The following CDC14A variants were observed in gnomAD, a reference collection of about 807,000 sequenced individuals.
CDC14A encodes the protein dual specificity protein phosphatase CDC14A.
In CDC14A, 53 loss-of-function variants were observed where a neutral mutation model predicts 74.4. The observed-to-expected ratio is 0.71, with a 90% CI of 0.57 to 0.89. The LOEUF (loss-of-function observed/expected upper bound fraction) is 0.89. Ranked by LOEUF, CDC14A falls within the 40% of genes least tolerant of loss-of-function variation. The probability of loss-of-function intolerance (pLI) is 0.00; values close to 1 mark genes in which losing one functional copy is unlikely to be tolerated. For missense variants in CDC14A, 646 were observed against 713.7 expected (o/e 0.91, Z 1.08); for synonymous variants, 247 against 258.4 (o/e 0.96, Z 0.43).
chr1:100,427,310 C>T (rs1479153504), intron 5 of CDC14A, among the ~76,000 whole-genome samples: 1 of 151,968 alleles, frequency 6.6e-6, no homozygotes, highest in Non-Finnish European at 1.5e-5. Flanking sequence ...ATTTTGAAGG[C>T]TTGTTGAAGG....
chr1:100,359,945 T>TTC (rs201878878), intron 2 of CDC14A, among the ~76,000 whole-genome samples: 17,626 of 135,576 alleles, frequency 0.13, 1,301 homozygotes, highest in Non-Finnish European at 0.17. Context: ...CACCTTCTTC[T>TTC]TTTTTTTTTT....
At chr1:100,371,490 AG>A (rs1654470360) in intron 2 of CDC14A, among the ~76,000 whole-genome samples, 1 of 152,168 alleles carries the variant, frequency 6.6e-6, no homozygotes, top group Admixed American at 6.5e-5. Flanking sequence ...CAGTTTGTTA[AG>A]GATTTTTACC....
intron 15 of CDC14A, chr1:100,505,044 C>A: frequency 1.8e-6 from 2 of 1,089,828 alleles, no homozygotes; most frequent in Non-Finnish European, 2.5e-6. Flanking sequence ...TAAGAATTGT[C>A]TCCAAATTTA....
intron 5 of CDC14A, among the ~76,000 whole-genome samples, chr1:100,425,028 C>A (rs1158422331): frequency 2.0e-5 from 3 of 152,036 alleles, no homozygotes; most frequent in Admixed American, 6.6e-5. Flanking sequence ...GTTAGCCAGG[C>A]ATAGTGGTAT....
chr1:100,440,934 C>G (rs957190944), intron 6 of CDC14A, among the ~76,000 whole-genome samples: 2 of 152,182 alleles, frequency 1.3e-5, no homozygotes, highest in Non-Finnish European at 2.9e-5. Context: ...CAGAGATACT[C>G]TAGCCCACTC....
chr1:100,354,931 C>T (rs1366046658), intron 2 of CDC14A, among the ~76,000 whole-genome samples: 1 of 152,210 alleles, frequency 6.6e-6, no homozygotes, highest in Non-Finnish European at 1.5e-5. Flanking sequence ...GGAAAACAAT[C>T]TTTGTCACTT....
chr1:100,357,366 G>C (rs1362741447), intron 2 of CDC14A, among the ~76,000 whole-genome samples: 1 of 152,112 alleles, frequency 6.6e-6, no homozygotes. Context: ...AAGGGGAAAG[G>C]AGAAAGGGAG....
At chr1:100,375,955 A>T (rs1175400945) in intron 2 of CDC14A, among the ~76,000 whole-genome samples, 1 of 152,234 alleles carries the variant, frequency 6.6e-6, no homozygotes, top group Non-Finnish European at 1.5e-5. Context: ...ACACCATGGA[A>T]TACTATGCAG....
chr1:100,365,024 A>C (rs1358807014), intron 2 of CDC14A, among the ~76,000 whole-genome samples: 1 of 152,206 alleles, frequency 6.6e-6, no homozygotes, highest in East Asian at 1.9e-4. Context: ...TGGTGTTGTA[A>C]ACCTGAACTT....
chr1:100,368,342 G>A (rs1336735588), intron 2 of CDC14A, among the ~76,000 whole-genome samples: 1 of 152,176 alleles, frequency 6.6e-6, no homozygotes. Context: ...TACCATGTTG[G>A]AGAGTACAGA....
chr1:100,484,441 G>T lies in CDC14A; in HGVS notation c.1127G>T (p.Arg376Leu). Residue 376 changes from arginine to leucine, a missense_variant, in exon 11 of 16, where the codon CGA becomes CTA. Arg to Leu is a moderately radical substitution (Grantham distance 102, BLOSUM62 -2). Coordinates refer to ENST00000336454, the MANE Select transcript of CDC14A (RefSeq NM_003672.4). ...CTTTCAAAAACACAAAACATGGAAC[G>T]ATTTGGAGAGGTAAGTTTTCCCTAG... ...GNLSKTQNMERFGEDNLEDDD... is the reference protein window; with the variant it reads ...GNLSKTQNMELFGEDNLEDDD... 1.3e-6 allele frequency: 2 copies of T among 1,594,226 alleles called. No individual in the cohort carries two copies. Among genetic ancestry groups the T allele is most frequent in the South Asian group, 1.2e-5 (1 of 86,832 alleles).
At chr1:100,477,882 C>T (rs1409625398) in intron 10 of CDC14A, among the ~76,000 whole-genome samples, 2 of 152,068 alleles carry the variant, frequency 1.3e-5, no homozygotes, top group Non-Finnish European at 2.9e-5. Context: ...TTTGTCATAT[C>T]CTCCTAGTCC....
At chr1:100,402,950 G>T (rs1353373618) in intron 4 of CDC14A, among the ~76,000 whole-genome samples, 2 of 152,130 alleles carry the variant, frequency 1.3e-5, no homozygotes, top group Admixed American at 1.3e-4. Context: ...TTTGATTCTG[G>T]CTAATGGGGC....
At chr1:100,391,466 A>G (rs559471663) in intron 4 of CDC14A, among the ~76,000 whole-genome samples, 16 of 152,314 alleles carry the variant, frequency 1.1e-4, no homozygotes, top group Non-Finnish European at 2.1e-4. Flanking sequence ...GGAATTTTCT[A>G]TATATGCTGT....
intron 2 of CDC14A, among the ~76,000 whole-genome samples, chr1:100,363,438 A>G (rs1366660992): frequency 6.6e-6 from 1 of 152,250 alleles, no homozygotes; most frequent in African/African-American, 2.4e-5. Context: ...TATATCAAAA[A>G]CATCTGGTAA....
intron 4 of CDC14A, among the ~76,000 whole-genome samples, chr1:100,394,354 G>A (rs1476024946): frequency 1.3e-5 from 2 of 152,168 alleles, no homozygotes; most frequent in Non-Finnish European, 2.9e-5. Context: ...CTGGCCTCAA[G>A]TGATCCCCCT....
chr1:100,406,941 A>G (rs982786759), intron 4 of CDC14A, among the ~76,000 whole-genome samples: 5 of 151,884 alleles, frequency 3.3e-5, no homozygotes, highest in Admixed American at 6.6e-5. Context: ...AAAAAAAAAA[A>G]AAAAAGAAAA....
At chr1:100,447,591 T>C (rs899859167) in intron 7 of CDC14A, among the ~76,000 whole-genome samples, 4 of 152,254 alleles carry the variant, frequency 2.6e-5, no homozygotes, top group African/African-American at 9.6e-5. Flanking sequence ...CTTTGAAATC[T>C]AGCCATTTCA....
At chr1:100,364,345 C>T (rs1460940910) in intron 2 of CDC14A, among the ~76,000 whole-genome samples, 1 of 151,836 alleles carries the variant, frequency 6.6e-6, no homozygotes, top group Non-Finnish European at 1.5e-5. Context: ...GTAGCTGGGA[C>T]TACAGGTGCA....
Sources: gnomAD v4.1 joint callset for allele counts (sites outside exome capture counted in the v4.1 genomes callset) on GRCh38, gnomAD v4.1.1 for gene constraint, MANE v1.5 for transcripts, NCBI Gene and HGNC (gene_info 2026-07-23, HGNC 2026-07-21) for gene names.